RORA: variants seen among roughly 807,000 people sequenced by gnomAD.
The protein encoded by RORA is RAR related orphan receptor A, also known as nuclear receptor ROR-alpha.
In RORA, 7 loss-of-function variants were observed where a neutral mutation model predicts 69.5. That is an observed-to-expected ratio of 0.10 (90% CI 0.06 to 0.19). The LOEUF (loss-of-function observed/expected upper bound fraction) is 0.19. RORA is among the 10% of genes least tolerant of loss of function. RORA has a pLI of 1.00. For missense variants in RORA, 457 were observed against 663.0 expected (o/e 0.69, Z 3.41); for synonymous variants, 261 against 240.8 (o/e 1.08, Z -0.78).
At chr15:60,757,210 C>T (rs532438216) in intron 1 of RORA, among the ~76,000 whole-genome samples, 34 of 152,298 alleles carry the variant, frequency 2.2e-4, no homozygotes, top group African/African-American at 7.9e-4. Flanking sequence ...TGCACCTTCT[C>T]TAAAACAACC....
At chr15:61,062,804 G>A (rs1298970718) in intron 1 of RORA, among the ~76,000 whole-genome samples, 1 of 152,170 alleles carries the variant, frequency 6.6e-6, no homozygotes. Flanking sequence ...CCCCGAGTGA[G>A]GGTATTTCCA....
chr15:60,802,179 C>G (rs994856982), intron 1 of RORA, among the ~76,000 whole-genome samples: 2 of 152,180 alleles, frequency 1.3e-5, no homozygotes, highest in African/African-American at 2.4e-5. Flanking sequence ...AATTCTGCAC[C>G]TGGGCCCTGA....
intron 2 of RORA, among the ~76,000 whole-genome samples, chr15:60,645,214 G>A (rs2070017916): frequency 1.3e-5 from 2 of 151,880 alleles, no homozygotes; most frequent in Admixed American, 6.6e-5. Flanking sequence ...GAGGAGGATC[G>A]TGGCATGAGG....
At chr15:60,651,240 A>C (rs575839737) in intron 2 of RORA, among the ~76,000 whole-genome samples, 2 of 152,298 alleles carry the variant, frequency 1.3e-5, no homozygotes, top group South Asian at 4.2e-4. Flanking sequence ...GGTGAAATTT[A>C]AGTGACACCC....
intron 1 of RORA, among the ~76,000 whole-genome samples, chr15:61,003,635 ATATT>A (rs1894816127): frequency 6.6e-6 from 1 of 152,208 alleles, no homozygotes. Context: ...AGGCCTGTGA[ATATT>A]TATTTAACCA....
intron 1 of RORA, among the ~76,000 whole-genome samples, chr15:61,161,874 T>C (rs1443786045): frequency 1.3e-5 from 2 of 152,188 alleles, no homozygotes; most frequent in East Asian, 1.9e-4. Flanking sequence ...ACTGTGGCAA[T>C]AGTTCAATAA....
intron 3 of RORA, among the ~76,000 whole-genome samples, chr15:60,522,478 G>A (rs1415462532): frequency 6.6e-6 from 1 of 151,910 alleles, no homozygotes; most frequent in Non-Finnish European, 1.5e-5. Flanking sequence ...GAGAGGCTGA[G>A]GCAGGAAGGT....
intron 2 of RORA, among the ~76,000 whole-genome samples, chr15:60,586,822 A>G (rs1043516310): frequency 6.6e-6 from 1 of 152,136 alleles, no homozygotes; most frequent in Admixed American, 6.5e-5. Context: ...TTTCAGACAA[A>G]CACACCTTAA....
At chr15:61,053,848 G>GATAGATATATATATATATATATATAT (rs1555406151) in intron 1 of RORA, among the ~76,000 whole-genome samples, 1 of 90,968 alleles carries the variant, frequency 1.1e-5, no homozygotes, top group East Asian at 3.8e-4. Context: ...TAGACTTCAT[G>GATAGATATATATATATATATATATAT]ATATATATAT....
intron 2 of RORA, among the ~76,000 whole-genome samples, chr15:60,542,833 C>T (rs549610101): frequency 1.2e-4 from 18 of 151,512 alleles, no homozygotes; most frequent in African/African-American, 3.6e-4. Flanking sequence ...ACCAAGGATA[C>T]GGCACACACA....
At chr15:61,113,997 C>G (rs962279200) in intron 1 of RORA, among the ~76,000 whole-genome samples, 1 of 152,218 alleles carries the variant, frequency 6.6e-6, no homozygotes, top group Non-Finnish European at 1.5e-5. Context: ...CAGCCTATAA[C>G]TGTTTCCTGT....
intron 1 of RORA, among the ~76,000 whole-genome samples, chr15:60,961,167 T>C (rs1240803835): frequency 2.0e-5 from 3 of 152,192 alleles, no homozygotes; most frequent in Non-Finnish European, 4.4e-5. Context: ...CTTCCCCACA[T>C]AACATTTCTT....
rs340016 is a variant in RORA, at chr15:60,612,535, G to T, written c.196+66122C>A. ...AATTGTCATTCTTAGTATATTGCTAGACCAGGCATTAGCAAACCCAGCAGA... is the reference window on the plus strand; with the variant it reads ...AATTGTCATTCTTAGTATATTGCTATACCAGGCATTAGCAAACCCAGCAGA... On this transcript the variant is annotated intron_variant, in intron 2 of 10. Coordinates refer to ENST00000335670, the MANE Select transcript of RORA (RefSeq NM_134261.3). Among the ~76,000 whole-genome samples the T allele has an allele frequency of 2.2e-3, 341 of 152,126 alleles. 1 individual carries two copies. The highest frequency in any genetic ancestry group is 7.9e-3 in the African/African-American group (326 of 41,492).
chr15:61,064,005 A>G (rs755266638), intron 1 of RORA, among the ~76,000 whole-genome samples: 3 of 152,256 alleles, frequency 2.0e-5, no homozygotes, highest in Non-Finnish European at 4.4e-5. Flanking sequence ...TAAAGTGTGA[A>G]TGGAGTTAGT....
chr15:60,663,612 T>A (rs1238745245), intron 2 of RORA, among the ~76,000 whole-genome samples: 3 of 152,116 alleles, frequency 2.0e-5, no homozygotes, highest in African/African-American at 7.2e-5. Context: ...TACGCCACCA[T>A]ACCCGGCTAA....
chr15:60,542,556 A>C (rs2066913593), intron 2 of RORA, among the ~76,000 whole-genome samples: 1 of 127,162 alleles, frequency 7.9e-6, no homozygotes. Flanking sequence ...ACACATGCAC[A>C]CCTCACACAC....
At chr15:60,829,041 G>C (rs2073003279) in intron 1 of RORA, among the ~76,000 whole-genome samples, 1 of 152,160 alleles carries the variant, frequency 6.6e-6, no homozygotes, top group Admixed American at 6.5e-5. Context: ...CATGGGTCGG[G>C]GGGAGTGATG....
chr15:60,983,064 C>A (rs1193566372), intron 1 of RORA, among the ~76,000 whole-genome samples: 2 of 152,100 alleles, frequency 1.3e-5, no homozygotes, highest in Admixed American at 6.5e-5. Context: ...AAATTAAATT[C>A]TTAGTGCCAC....
At chr15:61,010,205 C>T (rs867289619) in intron 1 of RORA, among the ~76,000 whole-genome samples, 3 of 152,160 alleles carry the variant, frequency 2.0e-5, no homozygotes, top group Non-Finnish European at 4.4e-5. Flanking sequence ...AAATCCCTAG[C>T]TTTTGAGAGG....
Sources: gnomAD v4.1 joint callset for allele counts (sites outside exome capture counted in the v4.1 genomes callset) on GRCh38, gnomAD v4.1.1 for gene constraint, MANE v1.5 for transcripts, NCBI Gene and HGNC (gene_info 2026-07-23, HGNC 2026-07-21) for gene names.